VPS33B: variants seen among roughly 807,000 people sequenced by gnomAD.
VPS33B encodes the protein vacuolar protein sorting-associated protein 33B.
A neutral mutation model predicts 95.3 loss-of-function variants in VPS33B; 80 were observed. The observed-to-expected ratio is 0.84, with a 90% CI of 0.70 to 1.01. VPS33B has a LOEUF of 1.01. Among genes scored for constraint, VPS33B ranks in the 50% least tolerant of loss-of-function variants. The probability of loss-of-function intolerance (pLI) is 0.00; values close to 1 mark genes in which losing one functional copy is unlikely to be tolerated. For missense variants in VPS33B, 715 were observed against 773.4 expected, an observed-to-expected ratio of 0.92 and a Z score of 0.90; for synonymous variants, 280 against 280.4, an observed-to-expected ratio of 1.00 and a Z score of 0.01.
chr15:91,006,572 A>G lies in VPS33B; in HGVS notation c.778+80T>C. 1.9e-6 allele frequency: 3 copies of G among 1,609,802 alleles called. No homozygotes were observed. In the South Asian group the frequency reaches 3.3e-5, roughly 18 times the overall value. ...TTCATTCAGGGTCTGGGTCTCTCCC[A>G]CAAACCCTGCCCCACGTGGGAGGTG... On this transcript the variant is annotated intron_variant, in intron 10 of 22. Coordinates refer to ENST00000333371, the MANE Select transcript of VPS33B (RefSeq NM_018668.5). The surrounding 1 kb of genome is among the most constrained non-coding windows in gnomAD (Gnocchi z 5.4).
intron 1 of VPS33B, among the ~76,000 whole-genome samples, chr15:91,019,928 CTT>C (rs1373396956): frequency 6.6e-6 from 1 of 152,012 alleles, no homozygotes; most frequent in African/African-American, 2.4e-5. Flanking sequence ...GCCTCAGCCT[CTT>C]GAGTAGCTGG....
Position 91,007,537 on chromosome 15 carries a change from C to T in VPS33B, c.535G>A (p.Ala179Thr). ...DQRWINTVAQ[A>T]LHLLSTLYGP... ...TAGAGAGTGCTGAGAAGGTGTAAGG[C>T]CTGAGCTACAGTGTTGATCCAACGC... Residue 179 changes from alanine to threonine, a missense_variant, in exon 8 of 23, where the codon GCC (alanine) becomes ACC (threonine). Transcript: ENST00000333371. This position sits in a 1 kb window ranked among gnomAD's most constrained non-coding sequence, Gnocchi z 5.3. The T allele has an allele frequency of 6.2e-7, 1 of 1,614,192 alleles. No homozygotes were observed. Among genetic ancestry groups the T allele is most frequent in the Non-Finnish European group, 8.5e-7 (1 of 1,180,026 alleles).
Position 91,007,857 on chromosome 15 carries a change from C to T in VPS33B, c.498+13G>A. 3.1e-6 allele frequency: 5 copies of T among 1,612,184 alleles called. No individual in the cohort carries two copies. The highest frequency in any genetic ancestry group is 3.4e-6 in the Non-Finnish European group (4 of 1,178,268). On this transcript the variant is annotated intron_variant, in intron 7 of 22. Transcript: ENST00000333371. This position sits in a 1 kb window ranked among gnomAD's most constrained non-coding sequence, Gnocchi z 5.3. ...ATCCCCTGATGCCAAGACACAAGGG[C>T]CTCTGCATTTACCAGAAAGTAATCC... is the stretch of plus-strand genomic sequence containing the variant.
At position 91,017,905 on chromosome 15, in the gene VPS33B, T is replaced by C. The variant is rs2040989836; in HGVS notation, c.97-20A>G. On this transcript the variant is annotated intron_variant, in intron 1 of 22. Coordinates refer to ENST00000333371, the MANE Select transcript of VPS33B (RefSeq NM_018668.5). Reference sequence around the variant, plus strand: ...AGGAAGCTGAAGGAGACACAATATGTTGGGTCACTCACAGGTCACATGAGC... The same window carrying C: ...AGGAAGCTGAAGGAGACACAATATGCTGGGTCACTCACAGGTCACATGAGC... The C allele has an allele frequency of 6.8e-6, 11 of 1,613,298 alleles. No homozygotes were observed. The highest frequency in any genetic ancestry group is 8.5e-6 in the Non-Finnish European group (10 of 1,179,426).
At chr15:91,003,433 A>G (rs1214826809) in intron 16 of VPS33B, among the ~76,000 whole-genome samples, 1 of 152,038 alleles carries the variant, frequency 6.6e-6, no homozygotes, top group Non-Finnish European at 1.5e-5. Context: ...GTGACGACTC[A>G]TGCATTTATT....
rs1242435067 is a variant in VPS33B, at chr15:91,022,588, C to A, written c.-339G>T. ...CCCCGCCTTCTACCAGAAAAAGAAG[C>A]GACTTCCTAGATCTCCCGGAAGTCC... On this transcript the variant is annotated 5_prime_UTR_variant, in exon 1 of 23. Transcript: ENST00000333371. 3 of 198,224 alleles carry A rather than the reference C, an allele frequency of 1.5e-5. No homozygotes were observed. Among genetic ancestry groups the A allele is most frequent in the Non-Finnish European group, 2.0e-5 (2 of 98,744 alleles). The allele number at this position is 198,224 out of a possible 1,614,324, so 12.3% of individuals were successfully genotyped here.
intron 16 of VPS33B, among the ~76,000 whole-genome samples, chr15:91,004,452 C>T (rs977887317): frequency 1.3e-5 from 2 of 151,920 alleles, no homozygotes; most frequent in African/African-American, 4.8e-5. Context: ...TGTGGTGAGC[C>T]GAGATCGCAC....
chr15:91,010,284 A>G lies in VPS33B; in HGVS notation c.358-438T>C, dbSNP rs73504711. 0.02 allele frequency among the ~76,000 whole-genome samples: 3,101 copies of G among 152,278 alleles called. 103 individuals are homozygous for G. Among genetic ancestry groups the G allele is most frequent in the African/African-American group, 0.069 (2,874 of 41,540 alleles). ...AGACACAGACAAGGACTTGGGATTA[A>G]GTAGCATATATGCTGTATTTAAAGT... On this transcript the variant is annotated intron_variant, in intron 5 of 22. Transcript: ENST00000333371. This position sits in a 1 kb window ranked among gnomAD's most constrained non-coding sequence, Gnocchi z 5.7.
In VPS33B at chr15:91,013,828, G is replaced by A. The variant is rs1279028945; in HGVS notation, c.333C>T (p.Tyr111=). The stretch of plus-strand genomic sequence containing the variant: ...CCTTTTGAGGGCTGAAGATCACTTT[G>A]TATTTGCGAGTTCGGCCAGCCAATT... The part of the protein sequence containing the change: ...ADKLAGRTRK[Y]KVIFSPQKFY... Residue 111 remains tyrosine (Y), a synonymous_variant, in exon 5 of 23, where the codon TAC becomes TAT. Transcript: ENST00000333371. The surrounding 1 kb of genome is among the most constrained non-coding windows in gnomAD (Gnocchi z 4.5). The A allele has an allele frequency of 6.2e-6, 10 of 1,614,006 alleles. No homozygotes were observed. In the African/African-American group the frequency reaches 8.0e-5, roughly 13 times the overall value.
intron 18 of VPS33B, 81 bp downstream of exon 18, chr15:91,001,969 T>C (rs1366483040): frequency 6.1e-5 from 98 of 1,605,810 alleles, no homozygotes; most frequent in Non-Finnish European, 8.1e-5. Flanking sequence ...CTCCAATTCA[T>C]TCTGTCCCTC....
At chr15:91,019,707 C>A (rs1108351) in intron 1 of VPS33B, among the ~76,000 whole-genome samples, 41,482 of 152,066 alleles carry the variant, frequency 0.27, 6,175 homozygotes, top group East Asian at 0.54. Flanking sequence ...GTTAATAAAA[C>A]CATCCACAGA....
In VPS33B at chr15:91,017,891, G is replaced by A. The variant is rs1324656750; in HGVS notation, c.97-6C>T. 6.2e-7 allele frequency: 1 copy of A among 1,614,018 alleles called. No individual in the cohort carries two copies. ...AAATCCTTTTTTCCAGGAAGCTGAA[G>A]GAGACACAATATGTTGGGTCACTCA... On this transcript the variant is annotated splice_region_variant and splice_polypyrimidine_tract_variant and intron_variant, in intron 1 of 22. Coordinates refer to ENST00000333371, the MANE Select transcript of VPS33B (RefSeq NM_018668.5).
At chr15:91,017,162 C>T in intron 2 of VPS33B, 138 bp from the exon 3 acceptor site, 1 of 762,758 alleles carries the variant, frequency 1.3e-6, no homozygotes, top group South Asian at 1.5e-5. Context: ...TAATTATGCT[C>T]CCCTGACGAC....
chr15:91,021,352 C>G (rs1015151685), intron 1 of VPS33B, among the ~76,000 whole-genome samples: 2 of 152,100 alleles, frequency 1.3e-5, no homozygotes, highest in Non-Finnish European at 2.9e-5. Flanking sequence ...ATTTTTGCTT[C>G]TCCTTCAACA....
At position 91,001,615 on chromosome 15, in the gene VPS33B, C is replaced by T. The variant is rs11073965; in HGVS notation, c.1406-153G>A. ...ATTCCCTGGAACTAATCAAGATATA[C>T]TCCCCACCCTTCTCCCCACCCACAG... is the stretch of plus-strand genomic sequence containing the variant. On this transcript the variant is annotated intron_variant, in intron 18 of 22. Coordinates refer to ENST00000333371, the MANE Select transcript of VPS33B (RefSeq NM_018668.5). Among the ~76,000 whole-genome samples the T allele has an allele frequency of 0.13, 20,527 of 152,088 alleles. 2,036 individuals carry two copies. Among genetic ancestry groups the T allele is most frequent in the East Asian group, 0.47 (2,396 of 5,134 alleles).
Position 91,011,741 on chromosome 15 carries a change from A to C in VPS33B, c.358-1895T>G, listed in dbSNP as rs576982302. Among the ~76,000 whole-genome samples the C allele has an allele frequency of 6.6e-6, 1 of 152,274 alleles. No individual in the cohort carries two copies. Among genetic ancestry groups the C allele is most frequent in the South Asian group, 2.1e-4 (1 of 4,822 alleles). On this transcript the variant is annotated intron_variant, in intron 5 of 22. Coordinates refer to ENST00000333371, the MANE Select transcript of VPS33B (RefSeq NM_018668.5). This position sits in a 1 kb window ranked among gnomAD's most constrained non-coding sequence, Gnocchi z 5.5. ...AGTGGCTCATGCCTGTAATCCTAGCACTCTGGGAGGCAGAGGTGGGCAGAT... is the reference window on the plus strand; with the variant it reads ...AGTGGCTCATGCCTGTAATCCTAGCCCTCTGGGAGGCAGAGGTGGGCAGAT...
intron 16 of VPS33B, among the ~76,000 whole-genome samples, chr15:91,004,363 G>A (rs2040536138): frequency 6.6e-6 from 1 of 152,120 alleles, no homozygotes; most frequent in Admixed American, 6.5e-5. Flanking sequence ...AACTAGCTGG[G>A]CGTGGTGGTG....
rs2040613789 is a variant in VPS33B at position 91,006,658 on chromosome 15, T to C, written c.772A>G (p.Lys258Glu). 1 of 1,614,210 alleles carries C rather than the reference T, an allele frequency of 6.2e-7. No individual in the cohort carries two copies. Among genetic ancestry groups the C allele is most frequent in the South Asian group, 1.1e-5 (1 of 91,086 alleles). Residue 258 changes from lysine to glutamate, a missense_variant, in exon 10 of 23, where the codon AAG becomes GAG. Coordinates refer to ENST00000333371, the MANE Select transcript of VPS33B (RefSeq NM_018668.5). The surrounding 1 kb of genome is among the most constrained non-coding windows in gnomAD (Gnocchi z 5.4). The part of the protein sequence containing the change: ...EGLVDDTFRI[K>E]CGSVDFGPEV... ...AGAGGACCATAGCACTTACCACACTTGATGCGGAAGGTGTCATCTACTAGG... is the reference window on the plus strand; with the variant it reads ...AGAGGACCATAGCACTTACCACACTCGATGCGGAAGGTGTCATCTACTAGG...
At position 91,005,318 on chromosome 15, in the gene VPS33B, C is replaced by A; in HGVS notation, c.1105+62G>T. On this transcript the variant is annotated intron_variant, in intron 14 of 22. Coordinates refer to ENST00000333371, the MANE Select transcript of VPS33B (RefSeq NM_018668.5). The surrounding 1 kb of genome is among the most constrained non-coding windows in gnomAD (Gnocchi z 6.4). ...CAGAGAACATCTTTTAAGGGTGGGACGGGGCTGGGAGCTGGGGAAGTAGAA... is the reference window on the plus strand; with the variant it reads ...CAGAGAACATCTTTTAAGGGTGGGAAGGGGCTGGGAGCTGGGGAAGTAGAA... 7.5e-7 allele frequency: 1 copy of A among 1,326,750 alleles called. No individual in the cohort carries two copies. The highest frequency in any genetic ancestry group is 1.2e-5 in the South Asian group (1 of 85,302). The allele number at this position is 1,326,750 out of a possible 1,614,324, so 82.2% of individuals were successfully genotyped here.
Sources: allele counts gnomAD v4.1 joint callset (sites outside exome capture counted in the v4.1 genomes callset), GRCh38; gene constraint gnomAD v4.1.1; non-coding constraint Gnocchi (gnomAD v3.1); transcripts MANE v1.5; gene names NCBI Gene and HGNC (gene_info 2026-07-23, HGNC 2026-07-21).